STOX1: variants seen among roughly 807,000 people sequenced by gnomAD.
STOX1 encodes storkhead box 1.
In STOX1, 57 loss-of-function variants were observed where a neutral mutation model predicts 74.8. That is an observed-to-expected ratio of 0.76 (90% CI 0.62 to 0.95). The LOEUF (loss-of-function observed/expected upper bound fraction) is 0.95. Among genes scored for constraint, STOX1 ranks in the 40% least tolerant of loss-of-function variants. The pLI is 0.00. For synonymous variants in STOX1, 375 were observed against 401.3 expected (o/e 0.93, Z 0.78); for missense variants, 1,010 against 1,117.0 (o/e 0.90, Z 1.37).
intron 1 of STOX1, among the ~76,000 whole-genome samples, chr10:68,831,133 G>A (rs768454513): frequency 3.9e-5 from 6 of 152,148 alleles, no homozygotes; most frequent in Non-Finnish European, 8.8e-5. Flanking sequence ...AGAGCAAAAT[G>A]CTAGAAAAGG....
intron 1 of STOX1, among the ~76,000 whole-genome samples, chr10:68,866,405 A>T (rs1840405256): frequency 6.6e-6 from 1 of 152,056 alleles, no homozygotes; most frequent in Non-Finnish European, 1.5e-5. Context: ...CACAGGTAGG[A>T]TGTTTATCCG....
At chr10:68,837,308 T>C (rs539672386) in intron 1 of STOX1, among the ~76,000 whole-genome samples, 3 of 152,240 alleles carry the variant, frequency 2.0e-5, no homozygotes, top group South Asian at 2.1e-4. Flanking sequence ...ACATTTTAAG[T>C]TGAGAGTGGG....
intron 3 of STOX1, among the ~76,000 whole-genome samples, chr10:68,887,151 T>C (rs1840984007): frequency 6.6e-6 from 1 of 152,202 alleles, no homozygotes; most frequent in South Asian, 2.1e-4. Context: ...CTGTCCCCAC[T>C]ACTCATAAAT....
chr10:68,881,764 G>C (rs1320432491), intron 1 of STOX1, among the ~76,000 whole-genome samples, 194 bp from the exon 2 acceptor site: 3 of 152,130 alleles, frequency 2.0e-5, no homozygotes, highest in Non-Finnish European at 2.9e-5. Context: ...TAAAAGTAGA[G>C]ACCACAATGT....
At chr10:68,846,116 GTTTTTATTATTATTATTATTA>G (rs924831836) in intron 1 of STOX1, among the ~76,000 whole-genome samples, 3 of 93,802 alleles carry the variant, frequency 3.2e-5, no homozygotes, top group African/African-American at 1.0e-4. Context: ...ATGGCTTGAG[GTTTTTATTATTATTATTATTA>G]TTATTATTAT....
chr10:68,865,720 C>T (rs1282592316), intron 1 of STOX1, among the ~76,000 whole-genome samples: 3 of 152,108 alleles, frequency 2.0e-5, no homozygotes, highest in Non-Finnish European at 2.9e-5. Context: ...GCTGTAATGC[C>T]CCCTAGGTTG....
chr10:68,832,364 C>T (rs1194557261), intron 1 of STOX1, among the ~76,000 whole-genome samples: 1 of 152,188 alleles, frequency 6.6e-6, no homozygotes, highest in South Asian at 2.1e-4. Context: ...GGCCTTTCAT[C>T]TTTTCTCACT....
chr10:68,894,961 C>G (rs1390714482), downstream of STOX1, among the ~76,000 whole-genome samples: 1 of 152,146 alleles, frequency 6.6e-6, no homozygotes, highest in African/African-American at 2.4e-5. Context: ...TGTCCTCAAG[C>G]AATCCTCCCA....
At chr10:68,862,084 T>A (rs570032667) in intron 1 of STOX1, among the ~76,000 whole-genome samples, 2 of 152,208 alleles carry the variant, frequency 1.3e-5, no homozygotes, top group Non-Finnish European at 2.9e-5. Context: ...ATAGTAGAAT[T>A]CTTTTGCCGT....
chr10:68,854,654 G>A (rs890486424), intron 1 of STOX1, among the ~76,000 whole-genome samples: 2 of 152,088 alleles, frequency 1.3e-5, no homozygotes, highest in Non-Finnish European at 2.9e-5. Flanking sequence ...CAGAGTGCAT[G>A]TCTGAGGGCT....
chr10:68,872,004 C>CT (rs796440394), intron 1 of STOX1, among the ~76,000 whole-genome samples: 24 of 151,592 alleles, frequency 1.6e-4, no homozygotes, highest in East Asian at 3.9e-4. Context: ...ACAAAACATC[C>CT]TTTTTTTTTA....
At chr10:68,840,572 C>T (rs200604525) in intron 1 of STOX1, among the ~76,000 whole-genome samples, 1 of 81,796 alleles carries the variant, frequency 1.2e-5, no homozygotes, top group African/African-American at 4.1e-5. Context: ...ATTTTTGTTT[C>T]TTTTTTGAGA....
intron 3 of STOX1, among the ~76,000 whole-genome samples, chr10:68,888,274 G>A (rs1378238370): frequency 6.6e-6 from 1 of 151,700 alleles, no homozygotes. Context: ...CTAATTTTTT[G>A]TATTTTCAAT....
chr10:68,845,075 TAATTTCTTACCAGTGTCTTTTG>T (rs1839804305), intron 1 of STOX1, among the ~76,000 whole-genome samples: 1 of 151,886 alleles, frequency 6.6e-6, no homozygotes. Flanking sequence ...CTTGTCTTTT[TAATTTCTTACCAGTGTCTTTTG>T]AATGTTTTAA....
At chr10:68,860,957 C>T (rs925984679) in intron 1 of STOX1, among the ~76,000 whole-genome samples, 1 of 151,972 alleles carries the variant, frequency 6.6e-6, no homozygotes, top group Non-Finnish European at 1.5e-5. Flanking sequence ...ACCTGTAATC[C>T]CAGCTCTTTG....
chr10:68,843,380 T>G (rs897657300), intron 1 of STOX1, among the ~76,000 whole-genome samples: 1 of 152,212 alleles, frequency 6.6e-6, no homozygotes, highest in Non-Finnish European at 1.5e-5. Context: ...CATCAACAGG[T>G]CTGTGGACAT....
intron 1 of STOX1, among the ~76,000 whole-genome samples, chr10:68,863,985 C>T (rs562428035): frequency 1.7e-4 from 25 of 150,300 alleles, no homozygotes; most frequent in African/African-American, 3.7e-4. Flanking sequence ...AGTGCAGTGG[C>T]GCGATCTCGG....
At chr10:68,877,718 A>C (rs1328936215) in intron 1 of STOX1, among the ~76,000 whole-genome samples, 1 of 152,086 alleles carries the variant, frequency 6.6e-6, no homozygotes, top group Non-Finnish European at 1.5e-5. Context: ...TGACATGCTG[A>C]TTTTCTCTCT....
At chr10:68,868,916 A>G (rs924874650) in intron 1 of STOX1, among the ~76,000 whole-genome samples, 2 of 152,206 alleles carry the variant, frequency 1.3e-5, no homozygotes, top group East Asian at 1.9e-4. Flanking sequence ...GCCAGATACT[A>G]TTATTCATCT....
Sources: allele counts gnomAD v4.1 joint callset (sites outside exome capture counted in the v4.1 genomes callset), GRCh38; gene constraint gnomAD v4.1.1; transcripts MANE v1.5; gene names NCBI Gene and HGNC (gene_info 2026-07-23, HGNC 2026-07-21).